MMD2: variants seen among roughly 807,000 people sequenced by gnomAD.
The protein encoded by MMD2 is monocyte to macrophage differentiation factor 2.
In MMD2, 30 loss-of-function variants were observed where a neutral mutation model predicts 33.5. The ratio of observed to expected loss-of-function variants is 0.90; its 90% CI spans 0.67 to 1.22. MMD2 has a LOEUF of 1.22. MMD2 is among the 50% of genes most tolerant of loss of function. The probability of loss-of-function intolerance (pLI) is 0.00; values close to 1 mark genes in which losing one functional copy is unlikely to be tolerated. For missense variants in MMD2, 364 were observed against 325.4 expected (o/e 1.12, Z -0.91); for synonymous variants, 129 against 123.0 (o/e 1.05, Z -0.32).
intron 3 of MMD2, among the ~76,000 whole-genome samples, chr7:4,919,412 A>T (rs1442394876): frequency 6.6e-6 from 1 of 151,522 alleles, no homozygotes; most frequent in Non-Finnish European, 1.5e-5. Context: ...CTACAAAAAG[A>T]TACAAGAATT....
intron 3 of MMD2, among the ~76,000 whole-genome samples, chr7:4,917,799 G>T (rs911337615): frequency 1.3e-5 from 2 of 152,034 alleles, no homozygotes; most frequent in African/African-American, 4.8e-5. Flanking sequence ...CAATACATGG[G>T]ACTGGAATGG....
chr7:4,908,852 G>A (rs548773844), intron 6 of MMD2, among the ~76,000 whole-genome samples: 7 of 150,370 alleles, frequency 4.7e-5, no homozygotes, highest in South Asian at 4.2e-4. Flanking sequence ...AGCCGAGATC[G>A]TGCCACTGCA....
chr7:4,936,858 C>A (rs1262694539), intron 1 of MMD2, among the ~76,000 whole-genome samples: 1 of 151,944 alleles, frequency 6.6e-6, no homozygotes, highest in Non-Finnish European at 1.5e-5. Context: ...CCTCAGCCTC[C>A]CAAGTAGCTG....
chr7:4,911,134 G>T lies in MMD2; in HGVS notation c.467+11C>A. The T allele has an allele frequency of 6.4e-7, 1 of 1,566,038 alleles. No homozygotes were observed. ...AATCCCGCCTCCCTGAAGCCCCCAG[G>T]CCTGGCTTACCGCTCATGGAAGAAG... is the stretch of plus-strand genomic sequence containing the variant. On this transcript the variant is annotated intron_variant, in intron 5 of 6. Coordinates refer to ENST00000401401, the MANE Select transcript of MMD2 (RefSeq NM_198403.4).
intron 1 of MMD2, among the ~76,000 whole-genome samples, chr7:4,954,319 A>G (rs904554057): frequency 2.0e-5 from 3 of 151,874 alleles, no homozygotes; most frequent in African/African-American, 7.3e-5. Flanking sequence ...TATATTTTGG[A>G]TATTAATTAC....
the MMD2 span, among the ~76,000 whole-genome samples, chr7:4,899,411 C>G: frequency 6.8e-6 from 1 of 147,232 alleles, no homozygotes; most frequent in African/African-American, 2.5e-5. Flanking sequence ...TTTTTTGAAA[C>G]GAAGTCTTGC....
At chr7:4,958,882 C>T (rs1020077831) in intron 1 of MMD2, 89 bp downstream of exon 1, 3 of 1,147,214 alleles carry the variant, frequency 2.6e-6, no homozygotes, top group South Asian at 3.5e-5. Context: ...CTCCGGGCGG[C>T]GGGGCCCGAG....
At chr7:4,900,068 G>A in the MMD2 span, among the ~76,000 whole-genome samples, 5 of 151,948 alleles carry the variant, frequency 3.3e-5, no homozygotes, top group African/African-American at 4.8e-5. Flanking sequence ...TTGGGAGGCC[G>A]AGGTGGGCGG....
downstream of MMD2, among the ~76,000 whole-genome samples, chr7:4,903,402 C>T (rs1396310302): frequency 1.3e-5 from 2 of 152,138 alleles, no homozygotes; most frequent in African/African-American, 4.8e-5. Flanking sequence ...CCCCTCCCCA[C>T]CCTCAAGCGC....
At chr7:4,930,389 C>T (rs1266779783) in intron 1 of MMD2, among the ~76,000 whole-genome samples, 1 of 151,774 alleles carries the variant, frequency 6.6e-6, no homozygotes, top group African/African-American at 2.4e-5. Flanking sequence ...CCTGTAATCC[C>T]AGCACTTTGG....
In MMD2 at chr7:4,940,188, G is replaced by T. The variant is rs1207348347; in HGVS notation, c.48-14656C>A. On this transcript the variant is annotated intron_variant, in intron 1 of 6. Coordinates refer to ENST00000401401, the MANE Select transcript of MMD2 (RefSeq NM_198403.4). The surrounding 1 kb of genome is among the most constrained non-coding windows in gnomAD (Gnocchi z 5.0). The stretch of plus-strand genomic sequence containing the variant: ...TGAGGCCTGGCATGTTGAGCATCCT[G>T]ACCTGGGTGCAGGGTCCGGCACACC... Among the ~76,000 whole-genome samples the T allele has an allele frequency of 6.6e-6, 1 of 152,106 alleles. No individual in the cohort carries two copies. The highest frequency in any genetic ancestry group is 1.5e-5 in the Non-Finnish European group (1 of 68,012).
At chr7:4,911,679 C>G (rs1056911470) in intron 4 of MMD2, among the ~76,000 whole-genome samples, 2 of 151,366 alleles carry the variant, frequency 1.3e-5, no homozygotes, top group African/African-American at 2.4e-5. Context: ...GATGCAGTCT[C>G]TCTCTGTGCC....
chr7:4,904,451 C>G (rs530760920), downstream of MMD2, among the ~76,000 whole-genome samples: 1 of 152,280 alleles, frequency 6.6e-6, no homozygotes, highest in African/African-American at 2.4e-5. Flanking sequence ...GGGAAGCATG[C>G]CCTGAATTGG....
Position 4,906,662 on chromosome 7 carries a change from CA to C in MMD2, c.*733del. 2 of 397,664 alleles carry C rather than the reference CA, an allele frequency of 5.0e-6. No individual in the cohort carries two copies. The highest frequency in any genetic ancestry group is 3.6e-5 in the East Asian group (1 of 28,026). The allele number at this position is 397,664 out of a possible 1,614,324, so 24.6% of individuals were successfully genotyped here. ...CGCCTCAGTTTCCCTCTACCGCCCC[CA>C]AACTGCCTACTCCAGGAGTTTCCCA... On this transcript the variant is annotated 3_prime_UTR_variant, in exon 7 of 7. Coordinates refer to ENST00000401401, the MANE Select transcript of MMD2 (RefSeq NM_198403.4).
At chr7:4,902,563 G>T (rs1204274613), downstream of MMD2, among the ~76,000 whole-genome samples, 1 of 152,200 alleles carries the variant, frequency 6.6e-6, no homozygotes, top group East Asian at 1.9e-4. Context: ...CACCCCGGAG[G>T]AGACCCAGAC....
At chr7:4,930,806 C>T (rs970707881) in intron 1 of MMD2, among the ~76,000 whole-genome samples, 3 of 152,114 alleles carry the variant, frequency 2.0e-5, no homozygotes, top group African/African-American at 7.2e-5. Context: ...TTCCAGCCCT[C>T]GGACAAAAAC....
At chr7:4,957,797 CA>C (rs1786428132) in intron 1 of MMD2, among the ~76,000 whole-genome samples, 1 of 152,176 alleles carries the variant, frequency 6.6e-6, no homozygotes. Context: ...TCATGTCCCC[CA>C]GGGGGAAACA....
intron 1 of MMD2, among the ~76,000 whole-genome samples, chr7:4,957,056 C>G (rs1402685135): frequency 6.6e-6 from 1 of 151,760 alleles, no homozygotes; most frequent in Non-Finnish European, 1.5e-5. Flanking sequence ...GTCCCAGTTA[C>G]TCGGAAGGCT....
At chr7:4,925,054 C>T (rs564612387) in intron 2 of MMD2, among the ~76,000 whole-genome samples, 1 of 152,274 alleles carries the variant, frequency 6.6e-6, no homozygotes, top group African/African-American at 2.4e-5. Flanking sequence ...TCTCAGCCTC[C>T]AGAGTAGCTG....
Sources: gnomAD v4.1 joint callset for allele counts (sites outside exome capture counted in the v4.1 genomes callset) on GRCh38, gnomAD v4.1.1 for gene constraint, Gnocchi (gnomAD v3.1) non-coding constraint, MANE v1.5 for transcripts, NCBI Gene and HGNC (gene_info 2026-07-23, HGNC 2026-07-21) for gene names.